The following RFC3 variants were observed in gnomAD, a reference collection of about 807,000 sequenced individuals.
RFC3 encodes A1 38 kDa subunit.
Under a neutral mutation model 45.1 loss-of-function variants are expected in RFC3, and 41 were observed. The ratio of observed to expected loss-of-function variants is 0.91; its 90% CI spans 0.71 to 1.18. The LOEUF (loss-of-function observed/expected upper bound fraction) is 1.18, where lower values mean the gene tolerates loss of function less well. Ranked by LOEUF, RFC3 falls within the 50% of genes most tolerant of loss-of-function variation. RFC3 has a pLI of 0.00. For synonymous variants in RFC3, 149 were observed against 144.0 expected, an observed-to-expected ratio of 1.03 and a Z score of -0.25; for missense variants, 423 against 428.1, an observed-to-expected ratio of 0.99 and a Z score of 0.10.
intron 7 of RFC3, among the ~76,000 whole-genome samples, chr13:33,834,329 T>TATATACATAC (rs1300798923): frequency 3.2e-5 from 4 of 125,106 alleles, no homozygotes; most frequent in African/African-American, 1.4e-4. Context: ...TATATATATA[T>TATATACATAC]ATCTGTACTG....
At chr13:33,872,277 C>T (rs1487762112) in intron 8 of RFC3, among the ~76,000 whole-genome samples, 5 of 152,128 alleles carry the variant, frequency 3.3e-5, no homozygotes, top group Non-Finnish European at 7.3e-5. Context: ...AGGTCGTCAG[C>T]GTGGAGAGTT....
chr13:33,895,633 T>G (rs190558098), intron 8 of RFC3, among the ~76,000 whole-genome samples: 1 of 152,334 alleles, frequency 6.6e-6, no homozygotes, highest in East Asian at 1.9e-4. Flanking sequence ...ATCTACCATT[T>G]GATCCAGGAA....
chr13:33,846,332 CAG>C (rs1301498919), intron 8 of RFC3: 2 of 152,178 alleles, frequency 1.3e-5, no homozygotes, highest in Non-Finnish European at 2.9e-5. Flanking sequence ...TGAATTCTGC[CAG>C]AGCTGGGTTC....
chr13:33,854,678 T>A (rs2082297869), intron 8 of RFC3, among the ~76,000 whole-genome samples: 1 of 152,058 alleles, frequency 6.6e-6, no homozygotes, highest in African/African-American at 2.4e-5. Flanking sequence ...TGGCATGGAT[T>A]AGAGACTGAA....
chr13:33,907,952 C>T (rs1217419782), intron 8 of RFC3, among the ~76,000 whole-genome samples: 10 of 150,580 alleles, frequency 6.6e-5, no homozygotes, highest in African/African-American at 2.4e-4. Flanking sequence ...CTTTTTTTTT[C>T]ATAGGATATA....
intron 8 of RFC3, among the ~76,000 whole-genome samples, chr13:33,870,790 C>CA (rs1182622851): frequency 1.2e-4 from 18 of 152,170 alleles, no homozygotes; most frequent in Admixed American, 3.3e-4. Context: ...GTATACTAGT[C>CA]AAACAGATCC....
At chr13:33,857,890 A>T (rs1241050476) in intron 8 of RFC3, among the ~76,000 whole-genome samples, 2 of 152,234 alleles carry the variant, frequency 1.3e-5, no homozygotes, top group Non-Finnish European at 2.9e-5. Flanking sequence ...GAAAGTGATC[A>T]TCCTGTCTGG....
intron 8 of RFC3, among the ~76,000 whole-genome samples, chr13:33,911,410 G>A (rs1259453296): frequency 1.3e-5 from 2 of 152,068 alleles, no homozygotes; most frequent in African/African-American, 4.8e-5. Flanking sequence ...GTGTATTTAA[G>A]GTTATTAAAG....
chr13:33,843,966 G>A (rs2082218762), intron 8 of RFC3, among the ~76,000 whole-genome samples: 1 of 152,084 alleles, frequency 6.6e-6, no homozygotes, highest in Non-Finnish European at 1.5e-5. Flanking sequence ...CTCCTAATAC[G>A]GTAGAGAAGC....
Position 33,956,187 on chromosome 13 carries a change from A to G in RFC3, c.880-9900A>G, listed in dbSNP as rs188434570. 3.0e-4 allele frequency among the ~76,000 whole-genome samples: 45 copies of G among 152,360 alleles called. No homozygotes were observed. The East Asian group carries it at 8.7e-3, about 29-fold the overall frequency. On this transcript the variant is annotated intron_variant, in intron 8 of 8. Coordinates refer to the RFC3 transcript ENST00000434425. ...AAAGACACAGAGAGGACACAAAATA[A>G]AGAGAAAAGATTAAAGTGTATTTTC...
intron 8 of RFC3, among the ~76,000 whole-genome samples, chr13:33,922,424 A>C (rs2082775243): frequency 6.6e-6 from 1 of 152,092 alleles, no homozygotes; most frequent in Non-Finnish European, 1.5e-5. Flanking sequence ...CATCATGTTT[A>C]CTTAATAACC....
intron 8 of RFC3, among the ~76,000 whole-genome samples, chr13:33,915,856 C>T (rs748536922): frequency 2.6e-5 from 4 of 151,898 alleles, no homozygotes; most frequent in African/African-American, 4.8e-5. Flanking sequence ...TGGAGTGCAG[C>T]GGTGCGATCT....
chr13:33,830,605 A>C (rs1183299915), intron 5 of RFC3, 114 bp from the exon 6 acceptor site: 7 of 726,590 alleles, frequency 9.6e-6, no homozygotes. Flanking sequence ...TGTAAGTTTC[A>C]CTTATAAGAA....
Position 33,957,588 on chromosome 13 carries a change from G to C in RFC3, c.880-8499G>C, listed in dbSNP as rs117058460. On this transcript the variant is annotated intron_variant, in intron 8 of 8. Coordinates refer to the RFC3 transcript ENST00000434425. ...ACCTGGAAGGATGAGGCCCAATTCT[G>C]CTTGCTCTAAAGGATGAATAGTTCT... 5.6e-3 allele frequency among the ~76,000 whole-genome samples: 849 copies of C among 152,224 alleles called. 5 individuals carry two copies. Among genetic ancestry groups the C allele is most frequent in the Non-Finnish European group, 9.0e-3 (614 of 68,026 alleles).
At chr13:33,919,245 A>G (rs1336008193) in intron 8 of RFC3, among the ~76,000 whole-genome samples, 2 of 152,180 alleles carry the variant, frequency 1.3e-5, no homozygotes, top group African/African-American at 4.8e-5. Context: ...TAATTGGTAG[A>G]AATAAATTAG....
At chr13:33,972,256 A>G in the RFC3 span, among the ~76,000 whole-genome samples, 4 of 152,110 alleles carry the variant, frequency 2.6e-5, no homozygotes, top group African/African-American at 4.8e-5. Flanking sequence ...ATCTTAGTTT[A>G]CCTTTATTAC....
chr13:33,941,526 A>G (rs2082923897), intron 8 of RFC3, among the ~76,000 whole-genome samples: 1 of 152,078 alleles, frequency 6.6e-6, no homozygotes, highest in Non-Finnish European at 1.5e-5. Context: ...TTCAATTGCT[A>G]TATTATTCTA....
chr13:33,934,540 A>G (rs1220236756), intron 8 of RFC3, among the ~76,000 whole-genome samples: 1 of 151,892 alleles, frequency 6.6e-6, no homozygotes, highest in East Asian at 1.9e-4. Context: ...TTACTACCAG[A>G]TCCTCTGACA....
intron 8 of RFC3, among the ~76,000 whole-genome samples, chr13:33,914,365 T>C (rs2082720850): frequency 6.6e-6 from 1 of 152,132 alleles, no homozygotes; most frequent in African/African-American, 2.4e-5. Flanking sequence ...TCCACTATTA[T>C]ACTTTCATGC....
Sources: allele counts gnomAD v4.1 joint callset (sites outside exome capture counted in the v4.1 genomes callset), GRCh38; gene constraint gnomAD v4.1.1; transcripts MANE v1.5; gene names NCBI Gene and HGNC (gene_info 2026-07-23, HGNC 2026-07-21).